ANKMY1: variants seen among roughly 807,000 people sequenced by gnomAD.
ANKMY1 encodes ankyrin repeat and MYND domain containing 1.
Under a neutral mutation model 102.0 loss-of-function variants are expected in ANKMY1, and 98 were observed. The observed-to-expected ratio is 0.96, with a 90% CI of 0.82 to 1.14. The LOEUF is 1.14. Among genes scored for constraint, ANKMY1 ranks in the 50% most tolerant of loss-of-function variants. The pLI is 0.00. For missense variants in ANKMY1, 1,330 were observed against 1,347.6 expected (o/e 0.99, Z 0.20); for synonymous variants, 582 against 559.9 (o/e 1.04, Z -0.56).
intron 13 of ANKMY1, among the ~76,000 whole-genome samples, chr2:240,504,986 A>AACACAC (rs760064796): frequency 1.3e-5 from 2 of 150,194 alleles, no homozygotes; most frequent in African/African-American, 4.9e-5. Context: ...GACTCTGTTA[A>AACACAC]ACACACACAC....
In ANKMY1 at chr2:240,529,067, A is replaced by G; in HGVS notation, c.923T>C (p.Val308Ala). 1 of 1,614,106 alleles carries G rather than the reference A, an allele frequency of 6.2e-7. No individual in the cohort carries two copies. The highest frequency in any genetic ancestry group is 8.5e-7 in the Non-Finnish European group (1 of 1,180,002). Residue 308 changes from valine (V) to alanine (A), a missense_variant, in exon 5 of 18, where the codon GTC (valine) becomes GCC (alanine). Physicochemically the swap from Val to Ala is moderately conservative, Grantham distance 64. Transcript: ENST00000401804. The surrounding 1 kb of genome is among the most constrained non-coding windows in gnomAD (Gnocchi z 4.2). ...WFIINETPLLVKIQKQTYKFR... is the reference protein window; with the variant it reads ...WFIINETPLLAKIQKQTYKFR... The stretch of plus-strand genomic sequence containing the variant: ...CTTGTAAGTTTGCTTCTGGATTTTG[A>G]CCAACAAAGGGGTCTCATTGATTAT...
rs765274340 is a variant in ANKMY1 at position 240,500,119 on chromosome 2, C to T, written c.2645G>A (p.Arg882Gln). The T allele has an allele frequency of 2.8e-5, 45 of 1,598,566 alleles. No homozygotes were observed. Among genetic ancestry groups the T allele is most frequent in the Non-Finnish European group, 3.3e-5 (39 of 1,173,144 alleles). Reference protein sequence around the residue: ...DYGYFRFFQDRRIARCPFHTL... With the variant: ...DYGYFRFFQDQRIARCPFHTL... Reference sequence around the variant, plus strand: ...GTGGAAGGGGCAGCGGGCAATCCTCCGGTCCTGCGGCACAGCACCAGGGTC... The same window carrying T: ...GTGGAAGGGGCAGCGGGCAATCCTCTGGTCCTGCGGCACAGCACCAGGGTC... The change falls in exon 15 of 18, where the codon CGG becomes CAG. Residue 882 changes from arginine to glutamine, a missense_variant. Arg to Gln is a conservative substitution (Grantham distance 43). Coordinates refer to ENST00000401804, the MANE Select transcript of ANKMY1 (RefSeq NM_001282771.3).
the ANKMY1 span, among the ~76,000 whole-genome samples, chr2:240,473,139 A>AC: frequency 3.3e-5 from 5 of 149,944 alleles, no homozygotes; most frequent in Admixed American, 2.0e-4. Context: ...AAAAAAAAAA[A>AC]CAAAAAAAAC....
chr2:240,561,030 G>A (rs1051616309), upstream of ANKMY1: 2 of 1,533,782 alleles, frequency 1.3e-6, no homozygotes, highest in Admixed American at 2.1e-5. Context: ...CGTCTGCACC[G>A]CGTACCTCAT....
At position 240,499,849 on chromosome 2, in the gene ANKMY1, A is replaced by T; in HGVS notation, c.2806+109T>A. On this transcript the variant is annotated intron_variant, in intron 15 of 17. Coordinates refer to ENST00000401804, the MANE Select transcript of ANKMY1 (RefSeq NM_001282771.3). The surrounding 1 kb of genome is among the most constrained non-coding windows in gnomAD (Gnocchi z 4.2). ...CAAGCCGACGAGCCCAGCCCCAGGA[A>T]GGCCCCTCCAAGAGCCCCAGGGGGT... 1.5e-6 allele frequency: 2 copies of T among 1,365,554 alleles called. No individual in the cohort carries two copies. Among genetic ancestry groups the T allele is most frequent in the South Asian group, 3.1e-5 (2 of 65,430 alleles). The allele number at this position is 1,365,554 out of a possible 1,614,324, so 84.6% of individuals were successfully genotyped here.
chr2:240,542,164 T>C (rs2089034707), intron 4 of ANKMY1, among the ~76,000 whole-genome samples: 1 of 139,642 alleles, frequency 7.2e-6, no homozygotes. Context: ...GCCAAGATTG[T>C]ACCACTGCAC....
chr2:240,552,814 A>G (rs1260018724), intron 4 of ANKMY1, 100 bp downstream of exon 4: 21 of 1,571,898 alleles, frequency 1.3e-5, no homozygotes, highest in Middle Eastern at 1.7e-4. Flanking sequence ...ACTTGTAGCT[A>G]AACAAATAAA....
At chr2:240,537,042 G>C (rs1440797678) in intron 4 of ANKMY1, among the ~76,000 whole-genome samples, 2 of 150,656 alleles carry the variant, frequency 1.3e-5, no homozygotes, top group African/African-American at 4.9e-5. Flanking sequence ...CACTTTCAAC[G>C]AAAAAGAAAA....
intron 13 of ANKMY1, among the ~76,000 whole-genome samples, chr2:240,507,121 T>A (rs1370159841): frequency 6.6e-6 from 1 of 151,848 alleles, no homozygotes; most frequent in Non-Finnish European, 1.5e-5. Context: ...GCTGAGTGGA[T>A]TTGCCACTTC....
At chr2:240,497,262 A>C (rs2077389107) in intron 15 of ANKMY1, among the ~76,000 whole-genome samples, 1 of 152,194 alleles carries the variant, frequency 6.6e-6, no homozygotes, top group African/African-American at 2.4e-5. Flanking sequence ...GAAGCTGAGC[A>C]TAAGAATGGT....
At chr2:240,551,497 C>T (rs1027327261) in intron 4 of ANKMY1, among the ~76,000 whole-genome samples, 6 of 152,192 alleles carry the variant, frequency 3.9e-5, no homozygotes, top group Non-Finnish European at 8.8e-5. Context: ...TTTAGGACAG[C>T]CTATGCGAAC....
Position 240,529,154 on chromosome 2 carries a change from A to G in ANKMY1, c.836T>C (p.Leu279Pro), listed in dbSNP as rs374795351. Residue 279 changes from leucine (L) to proline (P), a missense_variant, in exon 5 of 18, where the codon CTG becomes CCG. Coordinates refer to ENST00000401804, the MANE Select transcript of ANKMY1 (RefSeq NM_001282771.3). This position sits in a 1 kb window ranked among gnomAD's most constrained non-coding sequence, Gnocchi z 4.2. ...LPMTSSFRKE[L>P]DARIFLNEIP... ...TTCATTGAGGAAGATGCGGGCGTCCAGCTCTTTGCGGAAAGAGCTTGTCAT... is the reference window on the plus strand; with the variant it reads ...TTCATTGAGGAAGATGCGGGCGTCCGGCTCTTTGCGGAAAGAGCTTGTCAT... The G allele has an allele frequency of 2.2e-4, 355 of 1,614,066 alleles. No individual in the cohort carries two copies. The highest frequency in any genetic ancestry group is 2.9e-4 in the Non-Finnish European group (347 of 1,180,032).
Position 240,507,541 on chromosome 2 carries a change from C to T in ANKMY1, c.2526+19G>A. The T allele has an allele frequency of 6.3e-7, 1 of 1,596,110 alleles. No individual in the cohort carries two copies. Among genetic ancestry groups the T allele is most frequent in the Non-Finnish European group, 8.5e-7 (1 of 1,171,140 alleles). On this transcript the variant is annotated intron_variant, in intron 13 of 17. Coordinates refer to ENST00000401804, the MANE Select transcript of ANKMY1 (RefSeq NM_001282771.3). ...CTCAAACCCCCTCACCAGGGCCACCCCAGCCTCCTGCCCCTCACCAGGGCC... is the reference window on the plus strand; with the variant it reads ...CTCAAACCCCCTCACCAGGGCCACCTCAGCCTCCTGCCCCTCACCAGGGCC...
chr2:240,558,781 G>A (rs2092687972), upstream of ANKMY1, among the ~76,000 whole-genome samples: 1 of 152,188 alleles, frequency 6.6e-6, no homozygotes, highest in Non-Finnish European at 1.5e-5. Flanking sequence ...GGATTCTGGG[G>A]TTCTAGGGGC....
At chr2:240,478,745 A>G (rs2075030586), downstream of ANKMY1, among the ~76,000 whole-genome samples, 1 of 147,522 alleles carries the variant, frequency 6.8e-6, no homozygotes, top group South Asian at 2.1e-4. Flanking sequence ...AAAAAAAATC[A>G]CTGCAGGTGC....
chr2:240,557,249 G>A lies in ANKMY1; in HGVS notation c.87C>T (p.Gly29=), dbSNP rs1339365414. The change falls in exon 2 of 18, where the codon GGC becomes GGT. Residue 29 remains glycine, a synonymous_variant. Transcript: ENST00000401804. The part of the protein sequence containing the change: ...SRQRPLEGKG[G]ETPAAEEPGS... ...CCGGCTCCTCGGCAGCAGGGGTCTC[G>A]CCGCCCTTCCCCTCTAGCGGGCGTT... 6.3e-7 allele frequency: 1 copy of A among 1,593,582 alleles called. No homozygotes were observed. The highest frequency in any genetic ancestry group is 8.6e-7 in the Non-Finnish European group (1 of 1,169,348).
chr2:240,470,825 G>A, the ANKMY1 span, among the ~76,000 whole-genome samples: 2 of 152,154 alleles, frequency 1.3e-5, no homozygotes, highest in Non-Finnish European at 2.9e-5. Context: ...AGTCAGTTTC[G>A]CAAAGTTAAT....
At position 240,555,255 on chromosome 2, in the gene ANKMY1, T is replaced by C. The variant is rs930559681; in HGVS notation, c.147-200A>G. The C allele has an allele frequency of 2.5e-5, 15 of 609,486 alleles. No homozygotes were observed. The Middle Eastern group carries it at 1.3e-3, about 53-fold the overall frequency. 37.8% of individuals were successfully genotyped at this position (609,486 alleles called of 1,614,324 possible). ...CGATTGCCCAAGGCCACACAGGAAGTGGAATGCACAGTAAGGCTGCCAACG... is the reference window on the plus strand; with the variant it reads ...CGATTGCCCAAGGCCACACAGGAAGCGGAATGCACAGTAAGGCTGCCAACG... On this transcript the variant is annotated intron_variant, in intron 2 of 17. Coordinates refer to ENST00000401804, the MANE Select transcript of ANKMY1 (RefSeq NM_001282771.3).
chr2:240,525,574 A>G, intron 7 of ANKMY1, 111 bp downstream of exon 7: 5 of 1,350,664 alleles, frequency 3.7e-6, no homozygotes, highest in Non-Finnish European at 5.0e-6. Flanking sequence ...CTTATAACTC[A>G]CCCTGTACAA....
Sources: gnomAD v4.1 joint callset for allele counts (sites outside exome capture counted in the v4.1 genomes callset) on GRCh38, gnomAD v4.1.1 for gene constraint, Gnocchi (gnomAD v3.1) non-coding constraint, MANE v1.5 for transcripts, NCBI Gene and HGNC (gene_info 2026-07-23, HGNC 2026-07-21) for gene names.